Variants in DGKH observed in about 807,000 individuals in gnomAD.
DGKH encodes the protein diacylglycerol kinase eta.
A neutral mutation model predicts 159.3 loss-of-function variants in DGKH; 90 were observed. The observed-to-expected ratio is 0.57, with a 90% confidence interval of 0.48 to 0.67. The LOEUF is 0.67. DGKH is among the 30% of genes least tolerant of loss of function. The probability of loss-of-function intolerance (pLI) is 0.00; values close to 1 mark genes in which losing one functional copy is unlikely to be tolerated. For missense variants in DGKH, 1,181 were observed against 1,506.1 expected (o/e 0.78, Z 3.57); for synonymous variants, 536 against 553.8 (o/e 0.97, Z 0.45).
At chr13:42,105,748 G>A (rs1369765445) in intron 1 of DGKH, among the ~76,000 whole-genome samples, 1 of 152,094 alleles carries the variant, frequency 6.6e-6, no homozygotes, top group Admixed American at 6.5e-5. Flanking sequence ...TTTATATGTA[G>A]GTAAATGAAA....
intron 14 of DGKH, 133 bp downstream of exon 14, chr13:42,187,281 CA>C: frequency 1.4e-6 from 1 of 719,136 alleles, no homozygotes; most frequent in Admixed American, 2.6e-5. Context: ...TACTTTGGAT[CA>C]GATCTGAGAA....
chr13:42,061,797 T>C (rs1480362526), intron 1 of DGKH, among the ~76,000 whole-genome samples: 1 of 152,232 alleles, frequency 6.6e-6, no homozygotes, highest in East Asian at 1.9e-4. Flanking sequence ...CCAATTTTTA[T>C]TGAGTTCTAT....
chr13:42,179,642 T>A (rs1369759464), intron 13 of DGKH, among the ~76,000 whole-genome samples: 1 of 152,020 alleles, frequency 6.6e-6, no homozygotes, highest in Non-Finnish European at 1.5e-5. Flanking sequence ...TAGCCAGGTG[T>A]GGTGGTGCTT....
In DGKH at chr13:42,206,161, T is replaced by C; in HGVS notation, c.2601+15T>C. 7.3e-7 allele frequency: 1 copy of C among 1,364,804 alleles called. No individual in the cohort carries two copies. The highest frequency in any genetic ancestry group is 2.7e-5 in the East Asian group (1 of 36,814). The allele number at this position is 1,364,804 out of a possible 1,614,324, so 84.5% of individuals were successfully genotyped here. On this transcript the variant is annotated intron_variant, in intron 21 of 29. Coordinates refer to ENST00000337343, the MANE Select transcript of DGKH (RefSeq NM_178009.5). ...AAGAGGATGATGTAAGTAATGGGAG[T>C]AAATAGTTTGTTTCCTCAAAAATAA...
chr13:42,091,525 A>G (rs1217931289), intron 1 of DGKH, among the ~76,000 whole-genome samples: 2 of 152,234 alleles, frequency 1.3e-5, no homozygotes, highest in African/African-American at 4.8e-5. Context: ...TTCTTCAAAG[A>G]TATACAAATC....
intron 2 of DGKH, among the ~76,000 whole-genome samples, chr13:42,129,175 C>G (rs1955235447): frequency 6.6e-6 from 1 of 152,202 alleles, no homozygotes; most frequent in Non-Finnish European, 1.5e-5. Flanking sequence ...CCTTGCAAAC[C>G]TGGAAACAAT....
intron 7 of DGKH, among the ~76,000 whole-genome samples, chr13:42,163,936 C>T (rs1956253380): frequency 6.6e-6 from 1 of 152,074 alleles, no homozygotes; most frequent in African/African-American, 2.4e-5. Context: ...AAGTCCTTGC[C>T]CATGCCTATG....
chr13:42,041,862 C>T (rs965329564), intron 1 of DGKH, among the ~76,000 whole-genome samples: 1 of 152,224 alleles, frequency 6.6e-6, no homozygotes, highest in African/African-American at 2.4e-5. Flanking sequence ...TTCCGGTCAA[C>T]GTGTTCGGAT....
intron 3 of DGKH, among the ~76,000 whole-genome samples, chr13:42,149,449 C>T (rs1179893596): frequency 6.6e-6 from 1 of 152,220 alleles, no homozygotes; most frequent in African/African-American, 2.4e-5. Context: ...TGTGTTTCCC[C>T]ATTGGACTGT....
chr13:42,042,672 G>C (rs758957970), intron 1 of DGKH, among the ~76,000 whole-genome samples: 1 of 152,168 alleles, frequency 6.6e-6, no homozygotes, highest in Non-Finnish European at 1.5e-5. Flanking sequence ...ACAGATCCTT[G>C]ACCTCAGAAA....
chr13:42,206,975 T>TTTTTTC (rs1555275940), intron 21 of DGKH, among the ~76,000 whole-genome samples: 1 of 82,310 alleles, frequency 1.2e-5, no homozygotes, highest in Admixed American at 1.4e-4. Flanking sequence ...TACTTTTACT[T>TTTTTTC]TTTCTTTCTT....
At chr13:42,047,919 A>G (rs1219886173), upstream of DGKH, among the ~76,000 whole-genome samples, 1 of 150,758 alleles carries the variant, frequency 6.6e-6, no homozygotes, top group Non-Finnish European at 1.5e-5. Context: ...CGCCCTTCCC[A>G]GTTTCCTGTT....
intron 26 of DGKH, among the ~76,000 whole-genome samples, chr13:42,217,192 G>A (rs749731884): frequency 3.7e-4 from 56 of 152,086 alleles, no homozygotes; most frequent in East Asian, 3.8e-4. Flanking sequence ...CATTTTATAC[G>A]TTTTATAACA....
At chr13:42,201,701 G>A (rs900229459) in intron 20 of DGKH, among the ~76,000 whole-genome samples, 1 of 152,108 alleles carries the variant, frequency 6.6e-6, no homozygotes, top group Non-Finnish European at 1.5e-5. Context: ...TGCATTATAT[G>A]AAATACAGAC....
At chr13:42,143,938 A>G (rs1444648706) in intron 3 of DGKH, among the ~76,000 whole-genome samples, 3 of 152,042 alleles carry the variant, frequency 2.0e-5, no homozygotes, top group Non-Finnish European at 4.4e-5. Flanking sequence ...TAACATCACA[A>G]TTAAAAGAAC....
chr13:42,112,342 T>G (rs1184629493), intron 1 of DGKH, among the ~76,000 whole-genome samples: 1 of 143,140 alleles, frequency 7.0e-6, no homozygotes, highest in Admixed American at 7.3e-5. Flanking sequence ...AGTGCAGTGG[T>G]GCAATCATAG....
intron 1 of DGKH, among the ~76,000 whole-genome samples, chr13:42,113,879 G>T (rs978603724): frequency 1.3e-5 from 2 of 152,140 alleles, no homozygotes; most frequent in Non-Finnish European, 2.9e-5. Context: ...AATATATTGT[G>T]GTGAAGATAG....
chr13:42,043,152 A>T (rs1027375307), intron 1 of DGKH, among the ~76,000 whole-genome samples: 2 of 152,114 alleles, frequency 1.3e-5, no homozygotes, highest in Non-Finnish European at 2.9e-5. Context: ...ACATGCACTT[A>T]TGTGACATAT....
intron 1 of DGKH, among the ~76,000 whole-genome samples, chr13:42,083,020 G>C (rs1954228719): frequency 6.6e-6 from 1 of 152,014 alleles, no homozygotes; most frequent in African/African-American, 2.4e-5. Context: ...TCCTGTTTTT[G>C]GTTTTTAGGA....
Sources: allele counts gnomAD v4.1 joint callset (sites outside exome capture counted in the v4.1 genomes callset), GRCh38; gene constraint gnomAD v4.1.1; transcripts MANE v1.5; gene names NCBI Gene and HGNC (gene_info 2026-07-23, HGNC 2026-07-21).